The following THBS1 variants were observed in gnomAD, a reference collection of about 807,000 sequenced individuals.
THBS1 encodes the protein thrombospondin 1.
A neutral mutation model predicts 126.1 loss-of-function variants in THBS1; 29 were observed. The observed-to-expected ratio is 0.23, with a 90% confidence interval of 0.17 to 0.31. The LOEUF (loss-of-function observed/expected upper bound fraction) is 0.31. Among genes scored for constraint, THBS1 ranks in the 10% least tolerant of loss-of-function variants. The pLI is 1.00. For missense variants in THBS1, 1,198 were observed against 1,545.2 expected, an observed-to-expected ratio of 0.78 and a Z score of 3.77; for synonymous variants, 496 against 577.8, an observed-to-expected ratio of 0.86 and a Z score of 2.03.
intron 3 of THBS1, 58 bp from the exon 4 acceptor site, chr15:39,583,559 C>CAAACCCA: frequency 8.5e-7 from 1 of 1,182,676 alleles, no homozygotes; most frequent in Non-Finnish European, 1.2e-6. Flanking sequence ...CAGTCTCCCC[C>CAAACCCA]AACCCCATCC....
rs575864220 is a variant in THBS1 at position 39,596,239 on chromosome 15, G to A, written c.*870G>A. 4 of 166,954 alleles carry A rather than the reference G, an allele frequency of 2.4e-5. No homozygotes were observed. Among genetic ancestry groups the A allele is most frequent in the African/African-American group, 9.6e-5 (4 of 41,882 alleles). 10.3% of individuals were successfully genotyped at this position (166,954 alleles called of 1,614,324 possible). On this transcript the variant is annotated 3_prime_UTR_variant, in exon 22 of 22. Transcript: ENST00000260356. ...GCTGCCTCCCAAAGGAGGGGCAGCCGTGCTTATATTTTTATGGTTACAATG... is the reference window on the plus strand; with the variant it reads ...GCTGCCTCCCAAAGGAGGGGCAGCCATGCTTATATTTTTATGGTTACAATG...
rs947562961 is a variant in THBS1, at chr15:39,583,604, C to T, written c.628-13C>T. ...TCTGCATTCTACAAGTAATGTGTGT[C>T]CTCTGCCCACAGGGGGTGCTGCAGA... is the stretch of plus-strand genomic sequence containing the variant. On this transcript the variant is annotated splice_polypyrimidine_tract_variant and intron_variant, in intron 3 of 21. Coordinates refer to ENST00000260356, the MANE Select transcript of THBS1 (RefSeq NM_003246.4). 1 of 1,314,866 alleles carries T rather than the reference C, an allele frequency of 7.6e-7. No homozygotes were observed. Among genetic ancestry groups the T allele is most frequent in the Non-Finnish European group, 1.0e-6 (1 of 968,048 alleles). The allele number at this position is 1,314,866 out of a possible 1,614,324, so 81.4% of individuals were successfully genotyped here.
chr15:39,589,818 G>C lies in THBS1; in HGVS notation c.1940G>C (p.Arg647Pro), dbSNP rs374856624. 1.2e-6 allele frequency: 2 copies of C among 1,611,740 alleles called. No homozygotes were observed. Among genetic ancestry groups the C allele is most frequent in the Non-Finnish European group, 1.7e-6 (2 of 1,178,726 alleles). ...ATANKQVCKP[R>P]NPCTDGTHDC... ...GTGTACCCTCAGGTGTGCAAGCCCC[G>C]TAACCCCTGCACGGATGGGACCCAC... Residue 647 changes from arginine to proline, a missense_variant, in exon 13 of 22, where the codon CGT becomes CCT. Coordinates refer to ENST00000260356, the MANE Select transcript of THBS1 (RefSeq NM_003246.4). The surrounding 1 kb of genome is among the most constrained non-coding windows in gnomAD (Gnocchi z 4.7).
rs957323435 is a variant in THBS1 at position 39,581,650 on chromosome 15, C to G, written c.-29-179C>G. 3 of 478,806 alleles carry G rather than the reference C, an allele frequency of 6.3e-6. No homozygotes were observed. The Admixed American group carries it at 9.9e-5, about 16-fold the overall frequency. The allele number at this position is 478,806 out of a possible 1,614,324, so 29.7% of individuals were successfully genotyped here. On this transcript the variant is annotated intron_variant, in intron 1 of 21. Transcript: ENST00000260356. ...ATCTCTTTCCTCCACCTCTCTCTCT[C>G]TCTCTCTCTCTCTCTCTCATGCTCT...
chr15:39,584,499 C>T (rs555024082), intron 6 of THBS1, 77 bp downstream of exon 6: 52 of 1,569,774 alleles, frequency 3.3e-5, no homozygotes, highest in Middle Eastern at 2.1e-4. Context: ...ATACCCTAAT[C>T]GCCACAGAGA....
At position 39,593,804 on chromosome 15, in the gene THBS1, T is replaced by C. The variant is rs999592762; in HGVS notation, c.3267+136T>C. 8.3e-6 allele frequency: 11 copies of C among 1,318,686 alleles called. No individual in the cohort carries two copies. The highest frequency in any genetic ancestry group is 4.7e-5 in the Admixed American group (2 of 42,222). The allele number at this position is 1,318,686 out of a possible 1,614,324, so 81.7% of individuals were successfully genotyped here. ...CATCACCAGCTGCAGCATTGAACTC[T>C]GCTTTGTAAAAACATAATAGTGTTG... On this transcript the variant is annotated intron_variant, in intron 19 of 21. Transcript: ENST00000260356. This position sits in a 1 kb window ranked among gnomAD's most constrained non-coding sequence, Gnocchi z 5.9.
chr15:39,597,275 G>GTTTTTTTTTTTTTTT lies in THBS1; in HGVS notation c.*1910_*1911insTTTTTTTTTTTTTTT, dbSNP rs879801079. 21 of 52,584 alleles carry GTTTTTTTTTTTTTTT rather than the reference G, an allele frequency of 4.0e-4. No individual in the cohort carries two copies. Among genetic ancestry groups the GTTTTTTTTTTTTTTT allele is most frequent in the African/African-American group, 1.1e-3 (14 of 12,762 alleles). The allele number at this position is 52,584 out of a possible 1,614,324, so 3.3% of individuals were successfully genotyped here. A position where few individuals can be genotyped will look rare whatever the true frequency, so the allele number is the denominator to read the frequency against. ...GAATTGTTGGTTTTTTCTTTTTTTT[G>GTTTTTTTTTTTTTTT]TTTTGTTTTTTTTTTTTTTTTTTTT... On this transcript the variant is annotated 3_prime_UTR_variant, in exon 22 of 22. Coordinates refer to ENST00000260356, the MANE Select transcript of THBS1 (RefSeq NM_003246.4).
rs1165824676 is a variant in THBS1 at position 39,593,384 on chromosome 15, G to GCT, written c.2996-10_2996-9dup. ...GCTGCAGGTTTTAACCTGGCTCTGGGCTCTTCTTCCAGGTTATGATGAGTT... is the reference window on the plus strand; with the variant it reads ...GCTGCAGGTTTTAACCTGGCTCTGGGCTCTCTTCTTCCAGGTTATGATGAGTT... On this transcript the variant is annotated splice_polypyrimidine_tract_variant and intron_variant, in intron 18 of 21. Coordinates refer to ENST00000260356, the MANE Select transcript of THBS1 (RefSeq NM_003246.4). This position sits in a 1 kb window ranked among gnomAD's most constrained non-coding sequence, Gnocchi z 5.9. 1 of 1,613,644 alleles carries GCT rather than the reference G, an allele frequency of 6.2e-7. No homozygotes were observed. Among genetic ancestry groups the GCT allele is most frequent in the South Asian group, 1.1e-5 (1 of 91,060 alleles).
intron 15 of THBS1, 46 bp downstream of exon 15, chr15:39,591,396 C>G: frequency 6.3e-7 from 1 of 1,597,834 alleles, no homozygotes; most frequent in Non-Finnish European, 8.5e-7. Flanking sequence ...CAGGGACATG[C>G]ACAGCTTTCC....
chr15:39,581,750 T>A, intron 1 of THBS1, 79 bp from the exon 2 acceptor site: 5 of 835,232 alleles, frequency 6.0e-6, no homozygotes, highest in Non-Finnish European at 7.6e-6. Context: ...CCTGTCCCCA[T>A]GCCCAGCCCC....
In THBS1 at chr15:39,594,055, C is replaced by G; in HGVS notation, c.3268-44C>G. The G allele has an allele frequency of 6.4e-7, 1 of 1,559,820 alleles. No individual in the cohort carries two copies. Among genetic ancestry groups the G allele is most frequent in the African/African-American group, 1.4e-5 (1 of 73,628 alleles). On this transcript the variant is annotated intron_variant, in intron 19 of 21. Transcript: ENST00000260356. This position sits in a 1 kb window ranked among gnomAD's most constrained non-coding sequence, Gnocchi z 4.4. ...GATGGAATGAAATAGAAATCTTTAC[C>G]TGAAGGAGCTGTGTTTCAACCTTTC...
In THBS1 at chr15:39,593,244, TA is replaced by T. The variant is rs1347266157; in HGVS notation, c.2995+18del. Reference sequence around the variant, plus strand: ...TCGCTGTAGGTGAGTAGCGAGTTCTTAGATCCTAAGAGACTGATGCATACAT... The same window carrying T: ...TCGCTGTAGGTGAGTAGCGAGTTCTTGATCCTAAGAGACTGATGCATACAT... On this transcript the variant is annotated intron_variant, in intron 18 of 21. Transcript: ENST00000260356. The surrounding 1 kb of genome is among the most constrained non-coding windows in gnomAD (Gnocchi z 5.9). 6.2e-7 allele frequency: 1 copy of T among 1,613,012 alleles called. No individual in the cohort carries two copies. The highest frequency in any genetic ancestry group is 8.5e-7 in the Non-Finnish European group (1 of 1,179,098).
Position 39,594,683 on chromosome 15 carries a change from A to G in THBS1, c.3505+243A>G, listed in dbSNP as rs1890398318. On this transcript the variant is annotated intron_variant, in intron 21 of 21. Coordinates refer to ENST00000260356, the MANE Select transcript of THBS1 (RefSeq NM_003246.4). The surrounding 1 kb of genome is among the most constrained non-coding windows in gnomAD (Gnocchi z 4.4). ...TCTCTGTGCTCCTCATACACAGTGC[A>G]AAGGTAAGCTGCAGAAAAGCTCCTA... 6.6e-6 allele frequency among the ~76,000 whole-genome samples: 1 copy of G among 152,260 alleles called. No individual in the cohort carries two copies.
At chr15:39,591,681 T>A in intron 16 of THBS1, 58 bp downstream of exon 16, 4 of 1,484,668 alleles carry the variant, frequency 2.7e-6, no homozygotes, top group Non-Finnish European at 2.8e-6. Flanking sequence ...ATCCCTTTCA[T>A]GGCCTTTGAA....
rs556939930 is a variant in THBS1 at position 39,595,488 on chromosome 15, C to T, written c.*119C>T. On this transcript the variant is annotated 3_prime_UTR_variant, in exon 22 of 22. Transcript: ENST00000260356. The stretch of plus-strand genomic sequence containing the variant: ...CTCCTTGGCTTCCTTCTTTTCTGTG[C>T]TTGCATCAGTGTGGACTCCTAGAAC... 2.9e-6 allele frequency: 4 copies of T among 1,356,426 alleles called. No individual in the cohort carries two copies. Among genetic ancestry groups the T allele is most frequent in the South Asian group, 1.6e-5 (1 of 64,054 alleles). 84.0% of individuals were successfully genotyped at this position (1,356,426 alleles called of 1,614,324 possible).
rs1890132131 is a variant in THBS1, at chr15:39,582,542, C to T, written c.417C>T (p.His139=). 10 of 1,614,136 alleles carry T rather than the reference C, an allele frequency of 6.2e-6. No individual in the cohort carries two copies. Among genetic ancestry groups the T allele is most frequent in the South Asian group, 1.1e-5 (1 of 91,082 alleles). ...DLSLTVQGKQ[H]VVSVEEALLA... is the part of the protein sequence containing the mutation. ...GCCTGACCGTCCAAGGAAAGCAGCA[C>T]GTGGTGTCTGTGGAAGAAGCTCTCC... is the stretch of plus-strand genomic sequence containing the variant. The change falls in exon 3 of 22, where the codon CAC becomes CAT. Residue 139 remains histidine (H), a synonymous_variant. Transcript: ENST00000260356.
chr15:39,589,249 G>A lies in THBS1; in HGVS notation c.1821G>A (p.Arg607=). The A allele has an allele frequency of 1.9e-6, 3 of 1,614,136 alleles. No homozygotes were observed. Among genetic ancestry groups the A allele is most frequent in the Non-Finnish European group, 2.5e-6 (3 of 1,180,040 alleles). ...GCTTCAACCACAATGGAGAGCACCG[G>A]TGTGAGAACACGGACCCCGGCTACA... ...DACFNHNGEH[R]CENTDPGYNC... The change falls in exon 12 of 22, where the codon CGG becomes CGA. Residue 607 remains arginine (R), a synonymous_variant. Transcript: ENST00000260356. The surrounding 1 kb of genome is among the most constrained non-coding windows in gnomAD (Gnocchi z 4.7).
chr15:39,594,186 G>C lies in THBS1; in HGVS notation c.3355G>C (p.Gly1119Arg). 6.2e-7 allele frequency: 1 copy of C among 1,614,180 alleles called. No homozygotes were observed. The highest frequency in any genetic ancestry group is 8.5e-7 in the Non-Finnish European group (1 of 1,180,022). ...RWRLSHRPKT[G>R]FIRVVMYEGK... Reference sequence around the variant, plus strand: ...GCGTCTCAGCCACAGGCCAAAGACGGGTTTCATTAGGTACGATCATACTGA... The same window carrying C: ...GCGTCTCAGCCACAGGCCAAAGACGCGTTTCATTAGGTACGATCATACTGA... The change falls in exon 20 of 22, where the codon GGT becomes CGT. Residue 1119 changes from glycine (G) to arginine (R), a missense_variant. Physicochemically the swap from Gly to Arg is moderately radical, Grantham distance 125. Transcript: ENST00000260356. The surrounding 1 kb of genome is among the most constrained non-coding windows in gnomAD (Gnocchi z 4.4).
Position 39,584,194 on chromosome 15 carries a change from G to A in THBS1, c.903+7G>A. 1 of 1,614,002 alleles carries A rather than the reference G, an allele frequency of 6.2e-7. No homozygotes were observed. The highest frequency in any genetic ancestry group is 8.5e-7 in the Non-Finnish European group (1 of 1,179,912). On this transcript the variant is annotated splice_region_variant and intron_variant, in intron 5 of 21. Coordinates refer to ENST00000260356, the MANE Select transcript of THBS1 (RefSeq NM_003246.4). ...GGACAGCATCCGCAAAGTGGTCAGT[G>A]GCCTCTGCACCCAGCCCGTTAGCAT...
Sources: allele counts gnomAD v4.1 joint callset (sites outside exome capture counted in the v4.1 genomes callset), GRCh38; gene constraint gnomAD v4.1.1; non-coding constraint Gnocchi (gnomAD v3.1); transcripts MANE v1.5; gene names NCBI Gene and HGNC (gene_info 2026-07-23, HGNC 2026-07-21).